The following TRIM36 variants were observed in gnomAD, a reference collection of about 807,000 sequenced individuals.
TRIM36 encodes E3 ubiquitin-protein ligase TRIM36.
A neutral mutation model predicts 72.4 loss-of-function variants in TRIM36; 42 were observed. That is an observed-to-expected ratio of 0.58 (90% CI 0.45 to 0.75). The LOEUF (loss-of-function observed/expected upper bound fraction) is 0.75, where lower values mean the gene tolerates loss of function less well. Ranked by LOEUF, TRIM36 falls within the 30% of genes least tolerant of loss-of-function variation. TRIM36 has a pLI of 0.00. For synonymous variants in TRIM36, 315 were observed against 282.8 expected (o/e 1.11, Z -1.14); for missense variants, 913 against 857.1 (o/e 1.07, Z -0.81).
chr5:115,165,114 T>C (rs1040426424), intron 1 of TRIM36, among the ~76,000 whole-genome samples: 1 of 152,184 alleles, frequency 6.6e-6, no homozygotes, highest in Non-Finnish European at 1.5e-5. Flanking sequence ...CCCTGTGGCT[T>C]TGCAGGGTAC....
chr5:115,154,417 A>C lies in TRIM36; in HGVS notation c.263-7023T>G, dbSNP rs115687653. 7.3e-3 allele frequency among the ~76,000 whole-genome samples: 1,119 copies of C among 152,262 alleles called. 23 individuals carry two copies. The highest frequency in any genetic ancestry group is 0.024 in the African/African-American group (1,007 of 41,568). ...ATCAAACAAAAAGCTGATTCTTCGA[A>C]GATTAATAAAATTGATACACCATTA... On this transcript the variant is annotated intron_variant, in intron 2 of 9. Transcript: ENST00000513154.
chr5:115,180,118 G>T, exon 1 of TRIM36: 1 of 1,452,720 alleles, frequency 6.9e-7, no homozygotes, highest in Non-Finnish European at 9.6e-7. Context: ...TCTGTTTTTA[G>T]TCTGAGTTTT....
intron 1 of TRIM36, among the ~76,000 whole-genome samples, chr5:115,167,684 T>A (rs535992801): frequency 2.6e-4 from 40 of 152,336 alleles, no homozygotes; most frequent in Admixed American, 5.2e-4. Context: ...TCTAGGAAGT[T>A]CCAAACTTTC....
chr5:115,160,169 T>C (rs1754403307), intron 2 of TRIM36, among the ~76,000 whole-genome samples: 1 of 152,158 alleles, frequency 6.6e-6, no homozygotes, highest in South Asian at 2.1e-4. Context: ...TACTGTGTTA[T>C]GCACACAAAT....
At chr5:115,139,878 A>C (rs1187227008) in intron 5 of TRIM36, among the ~76,000 whole-genome samples, 3 of 152,192 alleles carry the variant, frequency 2.0e-5, no homozygotes, top group Admixed American at 6.5e-5. Flanking sequence ...TAACCTATTG[A>C]TGACAAACCC....
intron 5 of TRIM36, among the ~76,000 whole-genome samples, chr5:115,140,536 A>G (rs931527406): frequency 1.3e-5 from 2 of 152,208 alleles, no homozygotes; most frequent in Non-Finnish European, 2.9e-5. Context: ...ATAAAAGAAC[A>G]TTACCAGTAT....
chr5:115,134,054 C>T lies in TRIM36; in HGVS notation c.1304G>A (p.Ser435Asn), dbSNP rs1446181426. The T allele has an allele frequency of 6.2e-7, 1 of 1,613,808 alleles. No homozygotes were observed. The highest frequency in any genetic ancestry group is 8.5e-7 in the Non-Finnish European group (1 of 1,179,900). The change falls in exon 8 of 10, where the codon AGC (serine) becomes AAC (asparagine). Residue 435 changes from serine (S) to asparagine (N), a missense_variant. Physicochemically the swap from Ser to Asn is conservative, Grantham distance 46 (BLOSUM62 1). Transcript: ENST00000513154. ...GATTTTCCGATATTCAAGAACATAGCTATCAGCTTTATCCTTTTCTGGATG... is the reference window on the plus strand; with the variant it reads ...GATTTTCCGATATTCAAGAACATAGTTATCAGCTTTATCCTTTTCTGGATG... ...WHHPEKDKAD[S>N]YVLEYRKINR...
intron 3 of TRIM36, 103 bp from the exon 4 acceptor site, chr5:115,144,847 C>T: frequency 2.4e-6 from 3 of 1,272,308 alleles, no homozygotes; most frequent in Non-Finnish European, 3.2e-6. Flanking sequence ...CTAAATAAAG[C>T]CATTTAAGTG....
At position 115,137,374 on chromosome 5, in the gene TRIM36, C is replaced by T. The variant is rs1373528759; in HGVS notation, c.1074G>A (p.Gln358=). 3.7e-6 allele frequency: 6 copies of T among 1,605,780 alleles called. No homozygotes were observed. The South Asian group carries it at 4.5e-5, about 12-fold the overall frequency. ...DQSCFVQTAK[Q]LHLRIQKATE... is the part of the protein sequence containing the mutation. Reference sequence around the variant, plus strand: ...GTAAAAGAGAATACCTGAGGTGGAGCTGCTTTGCTGTCTGCACAAAGCAAG... The same window carrying T: ...GTAAAAGAGAATACCTGAGGTGGAGTTGCTTTGCTGTCTGCACAAAGCAAG... Residue 358 remains glutamine (Q), a synonymous_variant, in exon 6 of 10, where the codon CAG becomes CAA. Transcript: ENST00000513154.
At position 115,137,621 on chromosome 5, in the gene TRIM36, G is replaced by C; in HGVS notation, c.832-5C>G. On this transcript the variant is annotated splice_polypyrimidine_tract_variant and splice_region_variant and intron_variant, in intron 5 of 9. Transcript: ENST00000513154. ...TTTAGCCCTCTCTCCATTACACTAAGAAAAAACAGTATCTCCATTACACTA... is the reference window on the plus strand; with the variant it reads ...TTTAGCCCTCTCTCCATTACACTAACAAAAAACAGTATCTCCATTACACTA... 1 of 1,577,024 alleles carries C rather than the reference G, an allele frequency of 6.3e-7. No individual in the cohort carries two copies. The highest frequency in any genetic ancestry group is 8.6e-7 in the Non-Finnish European group (1 of 1,166,618).
chr5:115,162,928 C>T (rs1158653525), intron 2 of TRIM36, among the ~76,000 whole-genome samples: 1 of 151,760 alleles, frequency 6.6e-6, no homozygotes, highest in Non-Finnish European at 1.5e-5. Flanking sequence ...GTACATTGCA[C>T]AGTCAGAATA....
chr5:115,160,683 A>T (rs993675279), intron 2 of TRIM36, among the ~76,000 whole-genome samples: 4 of 152,102 alleles, frequency 2.6e-5, no homozygotes, highest in Non-Finnish European at 2.9e-5. Context: ...CACAAAAAAA[A>T]TTTTTTAATT....
At chr5:115,128,515 G>C (rs10041064) in intron 9 of TRIM36, among the ~76,000 whole-genome samples, 10,385 of 151,484 alleles carry the variant, frequency 0.069, 471 homozygotes, top group Non-Finnish European at 0.091. Flanking sequence ...CACTTTGGGA[G>C]GCTGAGGCGG....
upstream of TRIM36, among the ~76,000 whole-genome samples, chr5:115,174,893 G>A (rs747778743): frequency 1.3e-4 from 20 of 152,182 alleles, no homozygotes; most frequent in African/African-American, 1.9e-4. Flanking sequence ...CTGCTCTCAC[G>A]GACATTTTTC....
upstream of TRIM36, among the ~76,000 whole-genome samples, chr5:115,170,668 C>T (rs1755068392): frequency 6.6e-6 from 1 of 152,258 alleles, no homozygotes; most frequent in Admixed American, 6.5e-5. Context: ...TGTCACCGCA[C>T]GTTCTTGCCC....
intron 2 of TRIM36, among the ~76,000 whole-genome samples, chr5:115,155,291 T>C (rs1325624251): frequency 1.3e-5 from 2 of 152,136 alleles, no homozygotes; most frequent in Non-Finnish European, 2.9e-5. Flanking sequence ...CAGGTTGCAG[T>C]GAGCCGAGAT....
rs1752350425 is a variant in TRIM36 at position 115,126,156 on chromosome 5, C to T, written c.*347G>A. On this transcript the variant is annotated 3_prime_UTR_variant, in exon 10 of 10. Transcript: ENST00000513154. ...AATGAAAAGTCAAACAGAAGAGAATCATAATAAATACTTTTGTATCCCCCC... is the reference window on the plus strand; with the variant it reads ...AATGAAAAGTCAAACAGAAGAGAATTATAATAAATACTTTTGTATCCCCCC... The T allele has an allele frequency of 4.9e-6, 1 of 202,246 alleles. No individual in the cohort carries two copies. Among genetic ancestry groups the T allele is most frequent in the African/African-American group, 2.3e-5 (1 of 43,106 alleles). The allele number at this position is 202,246 out of a possible 1,614,324, so 12.5% of individuals were successfully genotyped here. A position where few individuals can be genotyped will look rare whatever the true frequency, so the allele number is the denominator to read the frequency against.
At position 115,136,883 on chromosome 5, in the gene TRIM36, G is replaced by C. The variant is rs115987390; in HGVS notation, c.1210+117C>G. 7.9e-4 allele frequency: 794 copies of C among 1,011,300 alleles called. 4 individuals carry two copies. The African/African-American group carries it at 0.011, about 15-fold the overall frequency. The allele number at this position is 1,011,300 out of a possible 1,614,324, so 62.6% of individuals were successfully genotyped here. A position where few individuals can be genotyped will look rare whatever the true frequency, so the allele number is the denominator to read the frequency against. On this transcript the variant is annotated intron_variant, in intron 7 of 9. Coordinates refer to ENST00000513154, the MANE Select transcript of TRIM36 (RefSeq NM_001300759.2). ...GATATGATTTCAGGATGCTGTGATA[G>C]TCCTGGGCAAGTGAGATGCTGCTTT...
intron 7 of TRIM36, among the ~76,000 whole-genome samples, chr5:115,134,598 T>C (rs528852944): frequency 6.6e-6 from 1 of 152,220 alleles, no homozygotes; most frequent in East Asian, 1.9e-4. Context: ...TGGAGTGCAC[T>C]GGCATGATCT....
Sources: allele counts gnomAD v4.1 joint callset (sites outside exome capture counted in the v4.1 genomes callset), GRCh38; gene constraint gnomAD v4.1.1; transcripts MANE v1.5; gene names NCBI Gene and HGNC (gene_info 2026-07-23, HGNC 2026-07-21).